CYLC2: variants seen among roughly 807,000 people sequenced by gnomAD.
The protein encoded by CYLC2 is cylicin 2.
Under a neutral mutation model 26.1 loss-of-function variants are expected in CYLC2, and 30 were observed. That is an observed-to-expected ratio of 1.15 (90% CI 0.86 to 1.56). CYLC2 has a LOEUF of 1.56. Among genes scored for constraint, CYLC2 ranks in the 40% most tolerant of loss-of-function variants. CYLC2 has a pLI of 0.00. For missense variants in CYLC2, 498 were observed against 394.4 expected (o/e 1.26, Z -2.23); for synonymous variants, 158 against 132.8 (o/e 1.19, Z -1.31).
intron 6 of CYLC2, among the ~76,000 whole-genome samples, chr9:103,014,440 C>G (rs1290446181): frequency 2.2e-5 from 2 of 92,218 alleles, no homozygotes; most frequent in Non-Finnish European, 4.6e-5. Context: ...ATGTATATTA[C>G]ATAATATACA....
chr9:103,009,445 C>T lies in CYLC2; in HGVS notation c.*701-2537C>T, dbSNP rs533970972. Among the ~76,000 whole-genome samples, 97 of 151,954 alleles carry T rather than the reference C, an allele frequency of 6.4e-4. 1 individual carries two copies. Among genetic ancestry groups the T allele is most frequent in the Non-Finnish European group, 1.1e-3 (77 of 67,990 alleles). ...TCTCCAACTCCTGGGCTCAAGCAAT[C>T]CACCCGCCTCAGCCTCCCCAAGTGC... On this transcript the variant is annotated intron_variant, in intron 5 of 7. Transcript: ENST00000374798.
Position 103,005,855 on chromosome 9 carries a change from T to C in CYLC2, c.*177T>C. On this transcript the variant is annotated 3_prime_UTR_variant, in exon 5 of 8. Coordinates refer to ENST00000374798, the MANE Select transcript of CYLC2 (RefSeq NM_001340.5). ...CTCAGCAGAGATTTATAAAAATATA[T>C]AAGAAAGATGTTAAGAAAAATTAAG... 1.5e-6 allele frequency: 1 copy of C among 672,088 alleles called. No homozygotes were observed. The highest frequency in any genetic ancestry group is 2.4e-6 in the Non-Finnish European group (1 of 415,904). The allele number at this position is 672,088 out of a possible 1,614,324, so 41.6% of individuals were successfully genotyped here.
intron 2 of CYLC2, among the ~76,000 whole-genome samples, chr9:103,002,311 A>C (rs960354936): frequency 2.0e-5 from 3 of 148,130 alleles, no homozygotes; most frequent in Non-Finnish European, 4.5e-5. Flanking sequence ...TTTACAAAAT[A>C]TGTCACCTAT....
rs1564097672 is a variant in CYLC2 at position 103,005,028 on chromosome 9, G to A, written c.397G>A (p.Glu133Lys). 8 of 1,596,502 alleles carry A rather than the reference G, an allele frequency of 5.0e-6. No individual in the cohort carries two copies. The highest frequency in any genetic ancestry group is 6.8e-6 in the Non-Finnish European group (8 of 1,175,866). Residue 133 changes from glutamate (E) to lysine (K), a missense_variant, in exon 5 of 8, where the codon GAA becomes AAA. Physicochemically the swap from Glu to Lys is moderately conservative, Grantham distance 56 (BLOSUM62 1). Coordinates refer to ENST00000374798, the MANE Select transcript of CYLC2 (RefSeq NM_001340.5). ...GAAGGACACAACAGATTCGGAATCA[G>A]AATTAAAACAAGGAAAAAAAGATTC... ...TQKDTTDSES[E>K]LKQGKKDSKK...
chr9:102,999,492 G>C (rs2118224316), intron 1 of CYLC2, among the ~76,000 whole-genome samples: 1 of 151,764 alleles, frequency 6.6e-6, no homozygotes, highest in Admixed American at 6.6e-5. Flanking sequence ...AACAAAATAG[G>C]ATCTGGATTT....
At chr9:103,002,898 A>C (rs562362694) in intron 2 of CYLC2, among the ~76,000 whole-genome samples, 1 of 152,172 alleles carries the variant, frequency 6.6e-6, no homozygotes, top group Non-Finnish European at 1.5e-5. Flanking sequence ...CATTTATATT[A>C]TAGTTATGCT....
chr9:103,011,945 CTCTTT>C (rs1829410660), intron 5 of CYLC2, 32 bp from the exon 6 acceptor site: 1 of 105,306 alleles, frequency 9.5e-6, no homozygotes, highest in African/African-American at 3.8e-5. Context: ...TTAGATCATT[CTCTTT>C]TTTTTTTTTT....
At chr9:103,007,240 G>A (rs1009198241) in intron 5 of CYLC2, among the ~76,000 whole-genome samples, 1 of 152,096 alleles carries the variant, frequency 6.6e-6, no homozygotes, top group Non-Finnish European at 1.5e-5. Context: ...CTGTGGAAAG[G>A]TTAAGGAAGT....
chr9:103,014,220 T>A (rs192458798), intron 6 of CYLC2, among the ~76,000 whole-genome samples: 1 of 118,880 alleles, frequency 8.4e-6, no homozygotes, highest in African/African-American at 3.7e-5. Flanking sequence ...ATCTCATATA[T>A]AATATATAAT....
intron 6 of CYLC2, among the ~76,000 whole-genome samples, chr9:103,013,304 T>TAAATATATTA (rs1829435187): frequency 1.4e-5 from 1 of 70,148 alleles, no homozygotes; most frequent in South Asian, 5.6e-4. Flanking sequence ...TATTTACATG[T>TAAATATATTA]TATATGTTTA....
At chr9:103,004,645 C>T in intron 3 of CYLC2, 50 bp from the exon 4 acceptor site, 1 of 1,295,452 alleles carries the variant, frequency 7.7e-7, no homozygotes, top group South Asian at 1.4e-5. Flanking sequence ...TTAATACAAA[C>T]TGTGTTATTC....
intron 6 of CYLC2, among the ~76,000 whole-genome samples, chr9:103,014,200 A>T (rs1381936967): frequency 1.6e-5 from 2 of 122,284 alleles, no homozygotes; most frequent in East Asian, 4.7e-4. Flanking sequence ...ATATAATATG[A>T]ATATTATATA....
intron 1 of CYLC2, among the ~76,000 whole-genome samples, chr9:102,997,708 C>A (rs977178411): frequency 2.0e-5 from 3 of 151,994 alleles, no homozygotes; most frequent in African/African-American, 7.2e-5. Context: ...GAAGATATAT[C>A]ATTTAAATCC....
chr9:103,018,002 C>T (rs1016864776), intron 7 of CYLC2, among the ~76,000 whole-genome samples: 3 of 151,956 alleles, frequency 2.0e-5, no homozygotes, highest in Non-Finnish European at 4.4e-5. Flanking sequence ...TACCCAGTCA[C>T]ATTCTGTGGT....
chr9:103,014,426 CAT>C (rs1829464504), intron 6 of CYLC2, among the ~76,000 whole-genome samples: 2 of 86,296 alleles, frequency 2.3e-5, no homozygotes, highest in South Asian at 5.5e-4. Context: ...AACATAATAA[CAT>C]AATGTATATT....
Position 103,006,360 on chromosome 9 carries a change from T to C in CYLC2, c.*682T>C, listed in dbSNP as rs1200730058. 1 of 152,128 alleles carries C rather than the reference T, an allele frequency of 6.6e-6. No homozygotes were observed. The allele number at this position is 152,128 out of a possible 1,614,324, so 9.4% of individuals were successfully genotyped here. Reference sequence around the variant, plus strand: ...TGGTTGTTGGATGTGCCACTTCCAATCCAAAAGAAGCACACTTGGTAAGTC... The same window carrying C: ...TGGTTGTTGGATGTGCCACTTCCAACCCAAAAGAAGCACACTTGGTAAGTC... On this transcript the variant is annotated 3_prime_UTR_variant, in exon 5 of 8. Transcript: ENST00000374798.
At chr9:103,004,527 A>T (rs1829318819) in intron 3 of CYLC2, among the ~76,000 whole-genome samples, 168 bp from the exon 4 acceptor site, 1 of 152,172 alleles carries the variant, frequency 6.6e-6, no homozygotes, top group Admixed American at 6.5e-5. Context: ...GTTTAAAAAA[A>T]GGATGACAAT....
chr9:103,009,084 A>G (rs1829380145), intron 5 of CYLC2, among the ~76,000 whole-genome samples: 1 of 152,176 alleles, frequency 6.6e-6, no homozygotes, highest in South Asian at 2.1e-4. Context: ...GTAACCTTAC[A>G]ATATTAAGCC....
chr9:103,013,131 A>C (rs1200015011), intron 6 of CYLC2, among the ~76,000 whole-genome samples: 2 of 134,732 alleles, frequency 1.5e-5, no homozygotes, highest in Middle Eastern at 3.7e-3. Context: ...AAAAATATAT[A>C]TCATATAAAT....
Sources: gnomAD v4.1 joint callset for allele counts (sites outside exome capture counted in the v4.1 genomes callset) on GRCh38, gnomAD v4.1.1 for gene constraint, MANE v1.5 for transcripts, NCBI Gene and HGNC (gene_info 2026-07-23, HGNC 2026-07-21) for gene names.